The following RPTOR variants were observed in gnomAD, a reference collection of about 807,000 sequenced individuals.
RPTOR encodes regulatory associated protein of MTOR complex 1, also known as regulatory-associated protein of mTOR.
In RPTOR, 21 loss-of-function variants were observed where a neutral mutation model predicts 169.9. The ratio of observed to expected loss-of-function variants is 0.12; its 90% confidence interval spans 0.09 to 0.18. RPTOR has a LOEUF of 0.18. RPTOR is among the 10% of genes least tolerant of loss of function. RPTOR has a pLI of 1.00. For synonymous variants in RPTOR, 732 were observed against 753.2 expected, an observed-to-expected ratio of 0.97 and a Z score of 0.46; for missense variants, 1,133 against 1,855.9, an observed-to-expected ratio of 0.61 and a Z score of 7.16.
intron 21 of RPTOR, among the ~76,000 whole-genome samples, chr17:80,916,792 G>A (rs1387059591): frequency 6.6e-6 from 1 of 152,174 alleles, no homozygotes; most frequent in African/African-American, 2.4e-5. Context: ...TTGAGGCCAG[G>A]AGTTCCAGAC....
At chr17:80,715,932 G>A (rs2066235922) in intron 4 of RPTOR, among the ~76,000 whole-genome samples, 1 of 152,170 alleles carries the variant, frequency 6.6e-6, no homozygotes, top group Non-Finnish European at 1.5e-5. Flanking sequence ...ATTCCATCAT[G>A]TATATATACC....
chr17:80,921,352 C>T (rs1368258698), intron 21 of RPTOR, among the ~76,000 whole-genome samples: 2 of 152,166 alleles, frequency 1.3e-5, no homozygotes, highest in Admixed American at 1.3e-4. Flanking sequence ...GAGGTTGCCC[C>T]AGCACCATCA....
At chr17:80,592,857 G>A (rs769893952) in intron 1 of RPTOR, among the ~76,000 whole-genome samples, 8 of 152,148 alleles carry the variant, frequency 5.3e-5, no homozygotes, top group African/African-American at 1.2e-4. Context: ...ACAGGCCTGC[G>A]TTTCCCTGGC....
intron 3 of RPTOR, among the ~76,000 whole-genome samples, chr17:80,684,620 A>C (rs2065923131): frequency 1.3e-5 from 2 of 151,246 alleles, no homozygotes; most frequent in Non-Finnish European, 2.9e-5. Flanking sequence ...AATTTTTTGT[A>C]TTTTTTAGTA....
chr17:80,854,480 TA>T (rs1424142041), intron 11 of RPTOR, among the ~76,000 whole-genome samples: 1 of 152,216 alleles, frequency 6.6e-6, no homozygotes, highest in Non-Finnish European at 1.5e-5. Context: ...GGTCATTTGG[TA>T]ACTTAAGTAT....
intron 4 of RPTOR, among the ~76,000 whole-genome samples, chr17:80,714,477 A>G (rs1598249604): frequency 6.6e-6 from 1 of 152,224 alleles, no homozygotes; most frequent in Non-Finnish European, 1.5e-5. Context: ...GATTAAAATC[A>G]TAGAGTATAT....
intron 1 of RPTOR, among the ~76,000 whole-genome samples, chr17:80,580,676 G>A (rs1307299142): frequency 6.6e-6 from 1 of 152,186 alleles, no homozygotes; most frequent in Non-Finnish European, 1.5e-5. Flanking sequence ...GGGGTGGAGT[G>A]CAGTGGCATA....
chr17:80,916,519 G>A (rs570776084), intron 21 of RPTOR, among the ~76,000 whole-genome samples: 10 of 152,340 alleles, frequency 6.6e-5, no homozygotes, highest in Middle Eastern at 3.4e-3. Flanking sequence ...TGTGAGATGC[G>A]GGCCAGCAGT....
rs1309461233 is a variant in RPTOR, at chr17:80,841,158, G to A, written c.1212+3161G>A. Among the ~76,000 whole-genome samples the A allele has an allele frequency of 4.2e-5, 5 of 118,762 alleles. 1 individual carries two copies. Among genetic ancestry groups the A allele is most frequent in the South Asian group, 2.9e-4 (1 of 3,482 alleles). The allele number at this position is 118,762 out of a possible 152,430, so 77.9% of individuals were successfully genotyped here. A position where few individuals can be genotyped will look rare whatever the true frequency, so the allele number is the denominator to read the frequency against. On this transcript the variant is annotated intron_variant, in intron 10 of 33. Transcript: ENST00000306801. ...CACGGCAGCTCACTCTCACCGCACGGCAGCTCACTCTCACCGCACGGCAGC... is the reference window on the plus strand; with the variant it reads ...CACGGCAGCTCACTCTCACCGCACGACAGCTCACTCTCACCGCACGGCAGC...
intron 6 of RPTOR, among the ~76,000 whole-genome samples, chr17:80,766,321 G>A (rs1783237606): frequency 6.6e-6 from 1 of 152,170 alleles, no homozygotes; most frequent in African/African-American, 2.4e-5. Context: ...ACAAAGTGCT[G>A]GAATTACAAG....
intron 1 of RPTOR, among the ~76,000 whole-genome samples, chr17:80,549,689 A>G (rs2084321812): frequency 6.6e-6 from 1 of 152,190 alleles, no homozygotes. Flanking sequence ...CTGGTCTCAG[A>G]TGACTCTTTT....
At chr17:80,951,654 G>A (rs1175448994) in intron 28 of RPTOR, among the ~76,000 whole-genome samples, 1 of 152,244 alleles carries the variant, frequency 6.6e-6, no homozygotes, top group Non-Finnish European at 1.5e-5. Context: ...GTCCAGGACT[G>A]GTTCAAACCA....
intron 3 of RPTOR, among the ~76,000 whole-genome samples, chr17:80,683,945 T>C (rs2065916574): frequency 6.6e-6 from 1 of 152,212 alleles, no homozygotes; most frequent in Admixed American, 6.5e-5. Flanking sequence ...CTCCTGGCAT[T>C]GACTCCCTCA....
At chr17:80,787,774 C>T (rs552166918) in intron 6 of RPTOR, among the ~76,000 whole-genome samples, 2 of 152,278 alleles carry the variant, frequency 1.3e-5, no homozygotes, top group South Asian at 2.1e-4. Context: ...TGATGTTGAA[C>T]ATTTCCTCAC....
intron 3 of RPTOR, among the ~76,000 whole-genome samples, chr17:80,675,612 G>A (rs565617976): frequency 3.0e-4 from 45 of 152,126 alleles, no homozygotes; most frequent in Non-Finnish European, 5.3e-4. Context: ...CCCTCAGGCC[G>A]CCCATGACTG....
chr17:80,685,540 C>G (rs995457255), intron 3 of RPTOR, among the ~76,000 whole-genome samples: 3 of 140,598 alleles, frequency 2.1e-5, no homozygotes, highest in African/African-American at 5.3e-5. Context: ...TCCCAAAGTG[C>G]TGGGATTACA....
chr17:80,887,501 G>T (rs577937224), intron 17 of RPTOR, among the ~76,000 whole-genome samples: 2 of 152,290 alleles, frequency 1.3e-5, no homozygotes, highest in South Asian at 4.1e-4. Context: ...CTCTGCAGGG[G>T]ACTTGGGCAC....
intron 3 of RPTOR, among the ~76,000 whole-genome samples, chr17:80,657,271 C>T (rs1015466191): frequency 6.6e-6 from 1 of 152,270 alleles, no homozygotes; most frequent in South Asian, 2.1e-4. Flanking sequence ...AAGCAAGCTC[C>T]AGAAAAGAGC....
At chr17:80,607,362 G>T (rs2065236687) in intron 1 of RPTOR, among the ~76,000 whole-genome samples, 1 of 152,136 alleles carries the variant, frequency 6.6e-6, no homozygotes, top group African/African-American at 2.4e-5. Flanking sequence ...TTCAAAAAAT[G>T]GATCATTTAG....
Sources: allele counts gnomAD v4.1 joint callset (sites outside exome capture counted in the v4.1 genomes callset), GRCh38; gene constraint gnomAD v4.1.1; transcripts MANE v1.5; gene names NCBI Gene and HGNC (gene_info 2026-07-23, HGNC 2026-07-21).